Variants in EFR3A observed in about 807,000 individuals in gnomAD.
EFR3A encodes the protein EFR3 homolog A, also known as protein EFR3 homolog A.
In EFR3A, 76 loss-of-function variants were observed where a neutral mutation model predicts 104.4. The observed-to-expected ratio is 0.73, with a 90% CI of 0.60 to 0.88. EFR3A has a LOEUF of 0.88. Among genes scored for constraint, EFR3A ranks in the 40% least tolerant of loss-of-function variants. EFR3A has a pLI of 0.00. For missense variants in EFR3A, 985 were observed against 1,012.5 expected (o/e 0.97, Z 0.37); for synonymous variants, 330 against 330.0 (o/e 1.00, Z 0.00).
chr8:131,953,952 TAGA>T lies in EFR3A; in HGVS notation c.629_631del (p.Glu210del), dbSNP rs1269674677. The stretch of plus-strand genomic sequence containing the variant: ...TCCCTCCTGTTTAACATGCAAAAGA[TAGA>T]AGAAGTTGACAGGTATTTAAAAAAA... On this transcript the variant is annotated inframe_deletion, in exon 6 of 23. Coordinates refer to ENST00000254624, the MANE Select transcript of EFR3A (RefSeq NM_015137.6). 10 of 1,548,998 alleles carry T rather than the reference TAGA, an allele frequency of 6.5e-6. No individual in the cohort carries two copies. The highest frequency in any genetic ancestry group is 3.4e-4 in the Middle Eastern group (2 of 5,910).
At position 131,946,486 on chromosome 8, in the gene EFR3A, T is replaced by G; in HGVS notation, c.219T>G (p.Tyr73Ter). 6.4e-7 allele frequency: 1 copy of G among 1,570,928 alleles called. No individual in the cohort carries two copies. The highest frequency in any genetic ancestry group is 8.6e-7 in the Non-Finnish European group (1 of 1,160,148). Residue 73 changes from tyrosine to a stop codon, truncating the protein, a stop_gained, in exon 4 of 23, where the codon TAT (tyrosine) becomes TAG (stop). Coordinates refer to ENST00000254624, the MANE Select transcript of EFR3A (RefSeq NM_015137.6). LOFTEE classifies it high-confidence loss of function. ...SRDVVRHRSG[Y>*]VLIAMEALDQ... Reference sequence around the variant, plus strand: ...ATTCTTTTTCTCCTACATGTAGGTATGTTTTGATTGCTATGGAGGCACTGG... The same window carrying G: ...ATTCTTTTTCTCCTACATGTAGGTAGGTTTTGATTGCTATGGAGGCACTGG...
At chr8:131,907,893 T>G (rs1018098909) in intron 1 of EFR3A, among the ~76,000 whole-genome samples, 16 of 151,776 alleles carry the variant, frequency 1.1e-4, no homozygotes, top group Admixed American at 7.9e-4. Context: ...GAGTTGTAGC[T>G]GATGAATTTT....
At chr8:131,970,799 G>T (rs914182507) in intron 10 of EFR3A, among the ~76,000 whole-genome samples, 156 bp downstream of exon 10, 2 of 152,142 alleles carry the variant, frequency 1.3e-5, no homozygotes, top group East Asian at 3.9e-4. Context: ...CATGAGAATG[G>T]AACAAAGAAC....
At chr8:131,939,375 C>G (rs958872965) in intron 1 of EFR3A, among the ~76,000 whole-genome samples, 1 of 152,092 alleles carries the variant, frequency 6.6e-6, no homozygotes, top group Non-Finnish European at 1.5e-5. Flanking sequence ...ATTTGCTTAT[C>G]TGTCTCTCCT....
In EFR3A at chr8:131,978,931, G is replaced by A; in HGVS notation, c.1411G>A (p.Glu471Lys). The A allele has an allele frequency of 6.2e-7, 1 of 1,613,120 alleles. No individual in the cohort carries two copies. The highest frequency in any genetic ancestry group is 1.1e-5 in the South Asian group (1 of 90,992). The change falls in exon 13 of 23, where the codon GAG (glutamate) becomes AAG (lysine). Residue 471 changes from glutamate (E) to lysine (K), a missense_variant. Glu to Lys is a moderately conservative substitution (Grantham distance 56). Coordinates refer to ENST00000254624, the MANE Select transcript of EFR3A (RefSeq NM_015137.6). ...LDPLLSPSLMEDYELRQLVLE... is the reference protein window; with the variant it reads ...LDPLLSPSLMKDYELRQLVLE... ...TCCTTTGTTATCACCATCTCTCATG[G>A]AGGACTACGAACTGAGACAGTTGGT...
chr8:131,986,961 T>C (rs1030421278), intron 17 of EFR3A, among the ~76,000 whole-genome samples: 2 of 152,064 alleles, frequency 1.3e-5, no homozygotes, highest in Non-Finnish European at 2.9e-5. Context: ...ACTCAAAATA[T>C]TGTGGAAGAA....
chr8:131,942,889 C>T (rs1335000786), intron 2 of EFR3A, among the ~76,000 whole-genome samples: 1 of 152,048 alleles, frequency 6.6e-6, no homozygotes, highest in African/African-American at 2.4e-5. Flanking sequence ...GATTTGTAAA[C>T]TGTATGATTC....
intron 5 of EFR3A, among the ~76,000 whole-genome samples, chr8:131,951,902 A>C (rs1818723215): frequency 6.6e-6 from 1 of 152,144 alleles, no homozygotes; most frequent in African/African-American, 2.4e-5. Flanking sequence ...GATTCTCTTT[A>C]AGTATATTTA....
At chr8:131,958,151 T>C (rs1407467451) in intron 7 of EFR3A, among the ~76,000 whole-genome samples, 1 of 152,148 alleles carries the variant, frequency 6.6e-6, no homozygotes, top group Admixed American at 6.5e-5. Flanking sequence ...AAGCGGTAAA[T>C]AAAGTTTATT....
At chr8:132,001,712 A>G in intron 19 of EFR3A, 47 bp from the exon 20 acceptor site, 1 of 1,526,290 alleles carries the variant, frequency 6.6e-7, no homozygotes, top group Non-Finnish European at 9.1e-7. Context: ...GGTGTTATTT[A>G]TATTGACCCT....
intron 2 of EFR3A, among the ~76,000 whole-genome samples, chr8:131,941,103 A>G (rs10112200): frequency 0.34 from 50,968 of 151,956 alleles, 8,961 homozygotes; most frequent in East Asian, 0.61. Context: ...AATCTAAGCT[A>G]AGATCCAAAG....
At chr8:131,958,432 T>C (rs1316452914) in intron 7 of EFR3A, among the ~76,000 whole-genome samples, 3 of 152,178 alleles carry the variant, frequency 2.0e-5, no homozygotes, top group Non-Finnish European at 4.4e-5. Flanking sequence ...TTTATTTTAA[T>C]TAGTGGGTTT....
At chr8:131,977,002 G>A (rs756776589) in intron 11 of EFR3A, 39 bp from the exon 12 acceptor site, 2 of 1,380,374 alleles carry the variant, frequency 1.4e-6, no homozygotes. Context: ...TAATATAAAT[G>A]CTAATTAGTA....
At chr8:131,914,589 T>G (rs949102540) in intron 1 of EFR3A, among the ~76,000 whole-genome samples, 31 of 152,122 alleles carry the variant, frequency 2.0e-4, no homozygotes, top group Admixed American at 1.4e-3. Context: ...CCGACAAGAC[T>G]GTGCAGGTGG....
rs1228830813 is a variant in EFR3A at position 132,013,572 on chromosome 8, G to A, written c.*2677G>A. On this transcript the variant is annotated 3_prime_UTR_variant, in exon 23 of 23. Coordinates refer to ENST00000254624, the MANE Select transcript of EFR3A (RefSeq NM_015137.6). ...GTCAGCAATAAAACATAGATTATTT[G>A]TATATAAGTTCATTTTTATAGCTAT... The A allele has an allele frequency of 2.0e-5, 3 of 152,484 alleles. No homozygotes were observed. The highest frequency in any genetic ancestry group is 7.2e-5 in the African/African-American group (3 of 41,398). The allele number at this position is 152,484 out of a possible 1,614,324, so 9.4% of individuals were successfully genotyped here. A position where few individuals can be genotyped will look rare whatever the true frequency, so the allele number is the denominator to read the frequency against.
intron 1 of EFR3A, among the ~76,000 whole-genome samples, chr8:131,926,416 TGAA>T (rs555647161): frequency 1.3e-4 from 20 of 152,236 alleles, no homozygotes; most frequent in African/African-American, 4.3e-4. Context: ...ATGATGAAAT[TGAA>T]GAAATAAAAA....
In EFR3A at chr8:132,013,642, A is replaced by G. The variant is rs1327971887; in HGVS notation, c.*2747A>G. 6.6e-6 allele frequency: 1 copy of G among 152,212 alleles called. No individual in the cohort carries two copies. Among genetic ancestry groups the G allele is most frequent in the Non-Finnish European group, 1.5e-5 (1 of 68,022 alleles). The allele number at this position is 152,212 out of a possible 1,614,324, so 9.4% of individuals were successfully genotyped here. A position where few individuals can be genotyped will look rare whatever the true frequency, so the allele number is the denominator to read the frequency against. On this transcript the variant is annotated 3_prime_UTR_variant, in exon 23 of 23. Coordinates refer to ENST00000254624, the MANE Select transcript of EFR3A (RefSeq NM_015137.6). ...TATTCAATATTTGCTTAAATTAAAA[A>G]TGAATTGCTTCTTTTGAGCCCAATA...
chr8:132,002,470 T>C (rs1206617991), intron 20 of EFR3A, 133 bp from the exon 21 acceptor site: 1 of 671,494 alleles, frequency 1.5e-6, no homozygotes, highest in Non-Finnish European at 2.4e-6. Context: ...TAGGCCTTTT[T>C]ATTTTTTTCT....
At chr8:131,920,808 A>T (rs1278590273) in intron 1 of EFR3A, among the ~76,000 whole-genome samples, 1 of 151,678 alleles carries the variant, frequency 6.6e-6, no homozygotes, top group East Asian at 1.9e-4. Context: ...GGTCTTGGGG[A>T]TATTATTGTC....
Sources: allele counts gnomAD v4.1 joint callset (sites outside exome capture counted in the v4.1 genomes callset), GRCh38; gene constraint gnomAD v4.1.1; transcripts MANE v1.5; gene names NCBI Gene and HGNC (gene_info 2026-07-23, HGNC 2026-07-21).